The following SMG8 variants were observed in gnomAD, a reference collection of about 807,000 sequenced individuals.
SMG8 encodes the protein nonsense-mediated mRNA decay factor SMG8.
SMG8 carries 49 observed loss-of-function variants against 82.1 expected under a neutral mutation model. The observed-to-expected ratio is 0.60, with a 90% CI of 0.47 to 0.76. The LOEUF (loss-of-function observed/expected upper bound fraction) is 0.76. SMG8 is among the 30% of genes least tolerant of loss of function. The pLI is 0.00. For missense variants in SMG8, 969 were observed against 1,166.4 expected (o/e 0.83, Z 2.46); for synonymous variants, 404 against 430.0 (o/e 0.94, Z 0.75).
At position 59,213,445 on chromosome 17, in the gene SMG8, G is replaced by A. The variant is rs150307519; in HGVS notation, c.2622G>A (p.Gly874=). ...PDKVMKVMGS[G]PKESALKALN... ...AAGTAATGAAAGTAATGGGAAGTGGGCCAAAGGAATCAGCTTTAAAAGCCC... is the reference window on the plus strand; with the variant it reads ...AAGTAATGAAAGTAATGGGAAGTGGACCAAAGGAATCAGCTTTAAAAGCCC... The change falls in exon 3 of 4, where the codon GGG becomes GGA. Residue 874 remains glycine (G), a synonymous_variant. Transcript: ENST00000300917. 30 of 1,614,028 alleles carry A rather than the reference G, an allele frequency of 1.9e-5. No individual in the cohort carries two copies. Among genetic ancestry groups the A allele is most frequent in the African/African-American group, 2.7e-5 (2 of 74,918 alleles).
chr17:59,213,560 G>T lies in SMG8; in HGVS notation c.2737G>T (p.Val913Leu). The stretch of plus-strand genomic sequence containing the variant: ...TGCTCAACTTATGAGGCTTTTTGTT[G>T]TGGTTCCTGATGCTCCTTTGCAGAT... ...HYAQLMRLFV[V>L]VPDAPLQIIL... Residue 913 changes from valine to leucine, a missense_variant, in exon 3 of 4, where the codon GTG becomes TTG. Val to Leu is a conservative substitution (Grantham distance 32). Around this residue, in one of 3 missense-constraint regions of SMG8, gnomAD observed 101 missense variants for 91.1 expected, o/e 1.11. Coordinates refer to ENST00000300917, the MANE Select transcript of SMG8 (RefSeq NM_018149.7). The T allele has an allele frequency of 6.2e-7, 1 of 1,613,860 alleles. No homozygotes were observed. Among genetic ancestry groups the T allele is most frequent in the East Asian group, 2.2e-5 (1 of 44,888 alleles).
At position 59,212,489 on chromosome 17, in the gene SMG8, A is replaced by G; in HGVS notation, c.1905+3A>G. ...CAGCCAATTATGACTTCTATCAGGT[A>G]GACTCTGAATTTTTTCTTCTTCCTC... On this transcript the variant is annotated splice_donor_region_variant and intron_variant, in intron 2 of 3. Coordinates refer to ENST00000300917, the MANE Select transcript of SMG8 (RefSeq NM_018149.7). 1 of 1,592,424 alleles carries G rather than the reference A, an allele frequency of 6.3e-7. No individual in the cohort carries two copies. The highest frequency in any genetic ancestry group is 8.6e-7 in the Non-Finnish European group (1 of 1,165,526).
Position 59,210,488 on chromosome 17 carries a change from G to A in SMG8, c.437G>A (p.Ser146Asn), listed in dbSNP as rs759023784. ...CTGCAGGCCTACTACAGTCAGGAAA[G>A]CAAAGTTCTGTATCTTCTCCTCACC... ...SLLQAYYSQE[S>N]KVLYLLLTSI... Residue 146 changes from serine (S) to asparagine (N), a missense_variant, in exon 1 of 4, where the codon AGC becomes AAC. Transcript: ENST00000300917. 4 of 1,577,172 alleles carry A rather than the reference G, an allele frequency of 2.5e-6. No individual in the cohort carries two copies. Among genetic ancestry groups the A allele is most frequent in the Non-Finnish European group, 3.4e-6 (4 of 1,165,778 alleles).
chr17:59,212,401 C>A lies in SMG8; in HGVS notation c.1820C>A (p.Ser607Tyr), dbSNP rs2046949639. Residue 607 changes from serine (S) to tyrosine (Y), a missense_variant, in exon 2 of 4, where the codon TCT (serine) becomes TAT (tyrosine). Physicochemically the swap from Ser to Tyr is moderately radical, Grantham distance 144. This residue lies in a region of SMG8 where 662 missense variants were observed against 884.8 expected (regional missense o/e 0.75). Transcript: ENST00000300917. ...PVLYHNSRAR[S>Y]TGACNCGRKQ... is the part of the protein sequence containing the mutation. ...CTATATCACAATAGCCGAGCTCGAT[C>A]TACTGGTGCTTGCAACTGTGGAAGG... 6.2e-7 allele frequency: 1 copy of A among 1,608,906 alleles called. No individual in the cohort carries two copies. The highest frequency in any genetic ancestry group is 1.3e-5 in the African/African-American group (1 of 74,862).
At chr17:59,211,957 G>T in intron 1 of SMG8, 147 bp downstream of exon 1, 1 of 626,868 alleles carries the variant, frequency 1.6e-6, no homozygotes, top group South Asian at 3.8e-5. Context: ...TTTCTCTCCT[G>T]CTGTAAAAGG....
At chr17:59,213,950 T>C (rs1316920701) in intron 3 of SMG8, among the ~76,000 whole-genome samples, 1 of 152,152 alleles carries the variant, frequency 6.6e-6, no homozygotes, top group African/African-American at 2.4e-5. Context: ...TGCTATCAAT[T>C]CACATCATTT....
At position 59,211,647 on chromosome 17, in the gene SMG8, T is replaced by C; in HGVS notation, c.1596T>C (p.Leu532=). The change falls in exon 1 of 4, where the codon CTT becomes CTC. Residue 532 remains leucine, a synonymous_variant. Transcript: ENST00000300917. ...ATAAGAATCAGCTTGCCCAGGCTCT[T>C]CGAGTGTACAGTCAACATGCTAGAG... ...TVHKNQLAQA[L]RVYSQHARGP... 1 of 1,614,046 alleles carries C rather than the reference T, an allele frequency of 6.2e-7. No homozygotes were observed. The highest frequency in any genetic ancestry group is 8.5e-7 in the Non-Finnish European group (1 of 1,180,000).
chr17:59,210,688 G>C lies in SMG8; in HGVS notation c.637G>C (p.Val213Leu), dbSNP rs750620735. 6.2e-7 allele frequency: 1 copy of C among 1,613,980 alleles called. No homozygotes were observed. The highest frequency in any genetic ancestry group is 2.2e-5 in the East Asian group (1 of 44,872). Reference protein sequence around the residue: ...LFSVCHILLLVHPTCSFDITY... With the variant: ...LFSVCHILLLLHPTCSFDITY... Reference sequence around the variant, plus strand: ...CTCTGTCTGTCATATCTTGCTTCTGGTCCATCCCACTTGTTCCTTTGATAT... The same window carrying C: ...CTCTGTCTGTCATATCTTGCTTCTGCTCCATCCCACTTGTTCCTTTGATAT... The change falls in exon 1 of 4, where the codon GTC (valine) becomes CTC (leucine). Residue 213 changes from valine (V) to leucine (L), a missense_variant. This residue lies in a region of SMG8 where 662 missense variants were observed against 884.8 expected (regional missense o/e 0.75). Transcript: ENST00000300917.
chr17:59,210,374 C>T lies in SMG8; in HGVS notation c.323C>T (p.Pro108Leu), dbSNP rs2046940019. ...GGTGAGGCCGGTGGAGCCGAGGACCCTGGGGCTGCAGCCGGGGGTTCAGTT... is the reference window on the plus strand; with the variant it reads ...GGTGAGGCCGGTGGAGCCGAGGACCTTGGGGCTGCAGCCGGGGGTTCAGTT... ...AVGEAGGAED[P>L]GAAAGGSVRG... is the part of the protein sequence containing the mutation. Residue 108 changes from proline to leucine, a missense_variant, in exon 1 of 4, where the codon CCT (proline) becomes CTT (leucine). Physicochemically the swap from Pro to Leu is moderately conservative, Grantham distance 98 (BLOSUM62 -3). This residue lies in a region of SMG8 where 206 missense variants were observed against 190.5 expected (regional missense o/e 1.08). Transcript: ENST00000300917. The T allele has an allele frequency of 6.2e-7, 1 of 1,610,500 alleles. No individual in the cohort carries two copies. Among genetic ancestry groups the T allele is most frequent in the Middle Eastern group, 1.7e-4 (1 of 6,038 alleles).
At position 59,212,432 on chromosome 17, in the gene SMG8, A is replaced by G. The variant is rs377091607; in HGVS notation, c.1851A>G (p.Gln617=). The G allele has an allele frequency of 3.1e-6, 5 of 1,609,330 alleles. No individual in the cohort carries two copies. The African/African-American group carries it at 6.7e-5, about 21-fold the overall frequency. Residue 617 remains glutamine, a synonymous_variant, in exon 2 of 4, where the codon CAA becomes CAG. Coordinates refer to ENST00000300917, the MANE Select transcript of SMG8 (RefSeq NM_018149.7). Reference sequence around the variant, plus strand: ...GTGCTTGCAACTGTGGAAGGAAACAAGCACCTCGAGATGATCCCTTTGATA... The same window carrying G: ...GTGCTTGCAACTGTGGAAGGAAACAGGCACCTCGAGATGATCCCTTTGATA... ...STGACNCGRK[Q]APRDDPFDIK... is the part of the protein sequence containing the mutation.
chr17:59,210,392 G>T lies in SMG8; in HGVS notation c.341G>T (p.Gly114Val), dbSNP rs541308207. 5 of 1,610,744 alleles carry T rather than the reference G, an allele frequency of 3.1e-6. No individual in the cohort carries two copies. The Admixed American group carries it at 5.1e-5, about 16-fold the overall frequency. ...GAGGACCCTGGGGCTGCAGCCGGGGGTTCAGTTCGGGGAAGTGGAGCTGTC... is the reference window on the plus strand; with the variant it reads ...GAGGACCCTGGGGCTGCAGCCGGGGTTTCAGTTCGGGGAAGTGGAGCTGTC... ...GAEDPGAAAGGSVRGSGAVAE... is the reference protein window; with the variant it reads ...GAEDPGAAAGVSVRGSGAVAE... The change falls in exon 1 of 4, where the codon GGT becomes GTT. Residue 114 changes from glycine (G) to valine (V), a missense_variant. Around this residue, in one of 3 missense-constraint regions of SMG8, gnomAD observed 206 missense variants for 190.5 expected, o/e 1.08. Coordinates refer to ENST00000300917, the MANE Select transcript of SMG8 (RefSeq NM_018149.7).
chr17:59,210,423 A>G lies in SMG8; in HGVS notation c.372A>G (p.Glu124=). The change falls in exon 1 of 4, where the codon GAA becomes GAG. Residue 124 remains glutamate, a synonymous_variant. Coordinates refer to ENST00000300917, the MANE Select transcript of SMG8 (RefSeq NM_018149.7). ...GSVRGSGAVA[E]GNRTEAGSQD... is the part of the protein sequence containing the mutation. Reference sequence around the variant, plus strand: ...TTCGGGGAAGTGGAGCTGTCGCGGAAGGTAACCGAACTGAGGCAGGCTCCC... The same window carrying G: ...TTCGGGGAAGTGGAGCTGTCGCGGAGGGTAACCGAACTGAGGCAGGCTCCC... 1 of 1,610,736 alleles carries G rather than the reference A, an allele frequency of 6.2e-7. No individual in the cohort carries two copies. The highest frequency in any genetic ancestry group is 8.5e-7 in the Non-Finnish European group (1 of 1,178,700).
chr17:59,213,357 CT>C lies in SMG8; in HGVS notation c.2538del (p.Phe846LeufsTer22). The stretch of plus-strand genomic sequence containing the variant: ...AGACGGCGAGATGACATAGCTCGAG[CT>C]TTTGTGGGCTTTGAATATGAAGACT... ...RGRRRDDIAR[A>X]FVGFEYEDSR... On this transcript the variant is annotated frameshift_variant, in exon 3 of 4. Transcript: ENST00000300917. LOFTEE classifies it high-confidence loss of function. 1 of 1,614,152 alleles carries C rather than the reference CT, an allele frequency of 6.2e-7. No homozygotes were observed. The highest frequency in any genetic ancestry group is 8.5e-7 in the Non-Finnish European group (1 of 1,180,036).
At chr17:59,212,039 GAAT>G (rs1251462365) in intron 1 of SMG8, 1 of 437,236 alleles carries the variant, frequency 2.3e-6, no homozygotes, top group South Asian at 7.1e-5. Flanking sequence ...TGGTAAGTGA[GAAT>G]TATTAAGTAG....
At position 59,210,229 on chromosome 17, in the gene SMG8, C is replaced by T. The variant is rs778108522; in HGVS notation, c.178C>T (p.Leu60=). ...AATCTTCGGCAAGACGGCTCTACGC[C>T]TGAATTCCGAGAAGTTCTCTCTTGT... ...VGIFGKTALR[L]NSEKFSLVNT... is the part of the protein sequence containing the mutation. Residue 60 remains leucine, a synonymous_variant, in exon 1 of 4, where the codon CTG becomes TTG. Transcript: ENST00000300917. 3 of 1,609,490 alleles carry T rather than the reference C, an allele frequency of 1.9e-6. No homozygotes were observed. The highest frequency in any genetic ancestry group is 2.5e-6 in the Non-Finnish European group (3 of 1,177,862).
Position 59,211,027 on chromosome 17 carries a change from C to G in SMG8, c.976C>G (p.Leu326Val), listed in dbSNP as rs1410062278. The change falls in exon 1 of 4, where the codon CTC becomes GTC. Residue 326 changes from leucine to valine, a missense_variant. By Grantham distance (32) the Leu-to-Val change is conservative. Transcript: ENST00000300917. The part of the protein sequence containing the change: ...RVLTNQSINC[L>V]FTVPANQAFV... ...CTTGACTAATCAGAGCATCAACTGCCTCTTTACTGTGCCTGCCAACCAAGC... is the reference window on the plus strand; with the variant it reads ...CTTGACTAATCAGAGCATCAACTGCGTCTTTACTGTGCCTGCCAACCAAGC... The G allele has an allele frequency of 6.2e-7, 1 of 1,614,206 alleles. No individual in the cohort carries two copies. Among genetic ancestry groups the G allele is most frequent in the East Asian group, 2.2e-5 (1 of 44,882 alleles).
chr17:59,213,891 T>C (rs1160123589), intron 3 of SMG8, among the ~76,000 whole-genome samples: 1 of 152,194 alleles, frequency 6.6e-6, no homozygotes, highest in African/African-American at 2.4e-5. Context: ...CTTCCATACC[T>C]AATATTCTGT....
chr17:59,210,241 A>T lies in SMG8; in HGVS notation c.190A>T (p.Lys64Ter). The T allele has an allele frequency of 1.2e-6, 2 of 1,611,174 alleles. No homozygotes were observed. Among genetic ancestry groups the T allele is most frequent in the Non-Finnish European group, 1.7e-6 (2 of 1,178,816 alleles). Reference sequence around the variant, plus strand: ...GACGGCTCTACGCCTGAATTCCGAGAAGTTCTCTCTTGTGAATACGGTGTG... The same window carrying T: ...GACGGCTCTACGCCTGAATTCCGAGTAGTTCTCTCTTGTGAATACGGTGTG... ...GKTALRLNSE[K>*]FSLVNTVCDR... Residue 64 changes from lysine to a stop codon, truncating the protein, a stop_gained, in exon 1 of 4, where the codon AAG becomes TAG. Transcript: ENST00000300917. LOFTEE classifies it high-confidence loss of function.
chr17:59,211,643 C>G lies in SMG8; in HGVS notation c.1592C>G (p.Ala531Gly). 6.2e-7 allele frequency: 1 copy of G among 1,614,016 alleles called. No homozygotes were observed. The highest frequency in any genetic ancestry group is 1.1e-5 in the South Asian group (1 of 91,044). ...MTVHKNQLAQ[A>G]LRVYSQHARG... ...GTCCATAAGAATCAGCTTGCCCAGG[C>G]TCTTCGAGTGTACAGTCAACATGCT... The change falls in exon 1 of 4, where the codon GCT (alanine) becomes GGT (glycine). Residue 531 changes from alanine (A) to glycine (G), a missense_variant. Physicochemically the swap from Ala to Gly is moderately conservative, Grantham distance 60. Coordinates refer to ENST00000300917, the MANE Select transcript of SMG8 (RefSeq NM_018149.7).
Sources: gnomAD v4.1 joint callset for allele counts (sites outside exome capture counted in the v4.1 genomes callset) on GRCh38, gnomAD v4.1.1 for gene constraint, gnomAD v4.1.1 regional missense constraint, MANE v1.5 for transcripts, NCBI Gene and HGNC (gene_info 2026-07-23, HGNC 2026-07-21) for gene names.